PAK1IP1: variants seen among roughly 807,000 people sequenced by gnomAD.
PAK1IP1 encodes the protein p21-activated protein kinase-interacting protein 1.
In PAK1IP1, 24 loss-of-function variants were observed where a neutral mutation model predicts 42.0. That is an observed-to-expected ratio of 0.57 (90% CI 0.41 to 0.80). The LOEUF (loss-of-function observed/expected upper bound fraction) is 0.80. PAK1IP1 is among the 30% of genes least tolerant of loss of function. PAK1IP1 has a pLI of 0.00. For synonymous variants in PAK1IP1, 154 were observed against 156.7 expected (o/e 0.98, Z 0.13); for missense variants, 411 against 467.9 (o/e 0.88, Z 1.12).
At chr6:10,705,707 C>T (rs1324145552) in intron 7 of PAK1IP1, among the ~76,000 whole-genome samples, 1 of 152,184 alleles carries the variant, frequency 6.6e-6, no homozygotes, top group Non-Finnish European at 1.5e-5. Flanking sequence ...TTTTATCTGA[C>T]TCTTATATCC....
upstream of PAK1IP1, chr6:10,694,503 G>C (rs900874912): frequency 1.3e-5 from 2 of 156,790 alleles, no homozygotes; most frequent in Admixed American, 6.3e-5. Context: ...CCCTATTAAC[G>C]ACAGAAAGCC....
chr6:10,703,917 T>A lies in PAK1IP1; in HGVS notation c.496+460T>A, dbSNP rs111819463. Among the ~76,000 whole-genome samples, 880 of 152,348 alleles carry A rather than the reference T, an allele frequency of 5.8e-3. 8 individuals are homozygous for A. The highest frequency in any genetic ancestry group is 0.02 in the African/African-American group (836 of 41,592). Reference sequence around the variant, plus strand: ...ATGGTGGTGGTTACCTCTGAGCAAATGCCTTGGGTTACTTTCTTTTCCCAT... The same window carrying A: ...ATGGTGGTGGTTACCTCTGAGCAAAAGCCTTGGGTTACTTTCTTTTCCCAT... On this transcript the variant is annotated intron_variant, in intron 5 of 9. Transcript: ENST00000379568.
chr6:10,702,343 T>C, intron 2 of PAK1IP1, 26 bp from the exon 3 acceptor site: 1 of 1,592,766 alleles, frequency 6.3e-7, no homozygotes, highest in Non-Finnish European at 8.6e-7. Context: ...TGAATATTAT[T>C]TTTGCCTATT....
chr6:10,691,082 T>C (rs1467599004), upstream of PAK1IP1, among the ~76,000 whole-genome samples: 1 of 152,232 alleles, frequency 6.6e-6, no homozygotes, highest in Non-Finnish European at 1.5e-5. Context: ...GTTATTTAGC[T>C]GTGTGTTCTT....
chr6:10,692,781 C>T (rs528808925), upstream of PAK1IP1, among the ~76,000 whole-genome samples: 54 of 152,060 alleles, frequency 3.6e-4, no homozygotes, highest in Non-Finnish European at 6.2e-4. Flanking sequence ...GCCTAGGCCT[C>T]GCAAAGTGCT....
rs373373440 is a variant in PAK1IP1, at chr6:10,703,380, C to T, written c.444-25C>T. ...AGTAAAAGTTAGTTGGTGATCACACCGTAAGTGAGCTTCCTGTTTTGCAGA... is the reference window on the plus strand; with the variant it reads ...AGTAAAAGTTAGTTGGTGATCACACTGTAAGTGAGCTTCCTGTTTTGCAGA... On this transcript the variant is annotated intron_variant, in intron 4 of 9. Transcript: ENST00000379568. 115 of 1,589,424 alleles carry T rather than the reference C, an allele frequency of 7.2e-5. No homozygotes were observed. The South Asian group carries it at 9.3e-4, about 13-fold the overall frequency.
upstream of PAK1IP1, among the ~76,000 whole-genome samples, chr6:10,691,223 C>T (rs143877335): frequency 4.0e-3 from 602 of 152,304 alleles, 6 homozygotes; most frequent in African/African-American, 0.013. Flanking sequence ...GGACAAGCCG[C>T]AGACAAAACC....
Position 10,704,799 on chromosome 6 carries a change from G to A in PAK1IP1, c.695G>A (p.Cys232Tyr), listed in dbSNP as rs781299034. 5 of 1,613,620 alleles carry A rather than the reference G, an allele frequency of 3.1e-6. No homozygotes were observed. Among genetic ancestry groups the A allele is most frequent in the Non-Finnish European group, 4.2e-6 (5 of 1,179,670 alleles). Residue 232 changes from cysteine (C) to tyrosine (Y), a missense_variant, in exon 7 of 10, where the codon TGT becomes TAT. Coordinates refer to ENST00000379568, the MANE Select transcript of PAK1IP1 (RefSeq NM_017906.3). The part of the protein sequence containing the change: ...GDEEVIRFFD[C>Y]DSLVCLCEFK... ...GAAGAAGTTATAAGGTTTTTTGACTGTGATTCACTAGTGTGCCTCTGCGAA... is the reference window on the plus strand; with the variant it reads ...GAAGAAGTTATAAGGTTTTTTGACTATGATTCACTAGTGTGCCTCTGCGAA...
rs543846802 is a variant in PAK1IP1 at position 10,704,961 on chromosome 6, C to A, written c.740+117C>A. On this transcript the variant is annotated intron_variant, in intron 7 of 9. Transcript: ENST00000379568. ...CAACTGCAGAAATAATCAGACATATCTACATGTACAGTATATGGTATCTGT... is the reference window on the plus strand; with the variant it reads ...CAACTGCAGAAATAATCAGACATATATACATGTACAGTATATGGTATCTGT... 5.8e-5 allele frequency: 41 copies of A among 707,894 alleles called. No homozygotes were observed. In the South Asian group the frequency reaches 6.0e-4, roughly 10 times the overall value. The allele number at this position is 707,894 out of a possible 1,614,324, so 43.9% of individuals were successfully genotyped here. A position where few individuals can be genotyped will look rare whatever the true frequency, so the allele number is the denominator to read the frequency against.
chr6:10,698,148 G>A (rs1253210956), intron 2 of PAK1IP1, among the ~76,000 whole-genome samples: 2 of 151,858 alleles, frequency 1.3e-5, no homozygotes, highest in African/African-American at 4.8e-5. Flanking sequence ...CTTTATTGAG[G>A]GCATATTATG....
intron 2 of PAK1IP1, 121 bp from the exon 3 acceptor site, chr6:10,702,248 A>C (rs1263554062): frequency 1.2e-6 from 1 of 818,362 alleles, no homozygotes; most frequent in Non-Finnish European, 1.9e-6. Context: ...CTCAAAAAAA[A>C]AAAAAAGAAA....
rs1460306459 is a variant in PAK1IP1, at chr6:10,709,659, A to G, written c.*207A>G. The G allele has an allele frequency of 2.8e-6, 1 of 355,618 alleles. No homozygotes were observed. Among genetic ancestry groups the G allele is most frequent in the Non-Finnish European group, 4.9e-6 (1 of 204,746 alleles). 22.0% of individuals were successfully genotyped at this position (355,618 alleles called of 1,614,324 possible). On this transcript the variant is annotated 3_prime_UTR_variant, in exon 10 of 10. Transcript: ENST00000379568. ...TTTGGCAGACAGTGTTTTATGAATTATGTATCATGTTGATATATAATATGT... is the reference window on the plus strand; with the variant it reads ...TTTGGCAGACAGTGTTTTATGAATTGTGTATCATGTTGATATATAATATGT...
chr6:10,703,742 A>G (rs1366692396), intron 5 of PAK1IP1, among the ~76,000 whole-genome samples: 2 of 152,258 alleles, frequency 1.3e-5, no homozygotes, highest in East Asian at 3.8e-4. Flanking sequence ...TTCATTGTAT[A>G]TATGCAGATA....
rs1298269869 is a variant in PAK1IP1 at position 10,709,141 on chromosome 6, G to A, written c.964+65G>A. 1.1e-5 allele frequency: 16 copies of A among 1,522,152 alleles called. No homozygotes were observed. The East Asian group carries it at 3.6e-4, about 35-fold the overall frequency. 94.3% of individuals were successfully genotyped at this position (1,522,152 alleles called of 1,614,324 possible). Reference sequence around the variant, plus strand: ...TTATCTCTTAAATTGTAGAAGTGGAGGAGATCCAGATAATTTCACTTTATT... The same window carrying A: ...TTATCTCTTAAATTGTAGAAGTGGAAGAGATCCAGATAATTTCACTTTATT... On this transcript the variant is annotated intron_variant, in intron 9 of 9. Transcript: ENST00000379568.
rs1465927542 is a variant in PAK1IP1, at chr6:10,702,323, G to A, written c.248-46G>A. ...AGCCTTCAAATCAGAAATGGAGTTTGCATTTAAAATGAATATTATTTTTGC... is the reference window on the plus strand; with the variant it reads ...AGCCTTCAAATCAGAAATGGAGTTTACATTTAAAATGAATATTATTTTTGC... On this transcript the variant is annotated intron_variant, in intron 2 of 9. Transcript: ENST00000379568. 3 of 1,511,224 alleles carry A rather than the reference G, an allele frequency of 2.0e-6. No homozygotes were observed. In the South Asian group the frequency reaches 3.4e-5, roughly 17 times the overall value. 93.6% of individuals were successfully genotyped at this position (1,511,224 alleles called of 1,614,324 possible).
At position 10,709,536 on chromosome 6, in the gene PAK1IP1, A is replaced by G. The variant is rs574531282; in HGVS notation, c.*84A>G. On this transcript the variant is annotated 3_prime_UTR_variant, in exon 10 of 10. Coordinates refer to ENST00000379568, the MANE Select transcript of PAK1IP1 (RefSeq NM_017906.3). ...TTAATTTTTTTTTTTTCCCTGAGTA[A>G]AAGCAAGAAATTTCTTCCTTTGGAA... 1.6e-5 allele frequency: 13 copies of G among 831,108 alleles called. No homozygotes were observed. The Admixed American group carries it at 5.0e-4, about 32-fold the overall frequency. The allele number at this position is 831,108 out of a possible 1,614,324, so 51.5% of individuals were successfully genotyped here.
chr6:10,697,815 C>T (rs944346263), intron 2 of PAK1IP1, among the ~76,000 whole-genome samples: 14 of 150,834 alleles, frequency 9.3e-5, no homozygotes, highest in Admixed American at 1.3e-4. Context: ...CGTTTGAACC[C>T]GTGAGGCAGA....
intron 8 of PAK1IP1, among the ~76,000 whole-genome samples, chr6:10,707,773 A>G (rs1385594555): frequency 6.6e-6 from 1 of 152,332 alleles, no homozygotes; most frequent in East Asian, 1.9e-4. Context: ...TCTCTTGAAT[A>G]TTGGAGTTCT....
At chr6:10,703,844 T>C (rs1770117142) in intron 5 of PAK1IP1, among the ~76,000 whole-genome samples, 1 of 152,192 alleles carries the variant, frequency 6.6e-6, no homozygotes, top group South Asian at 2.1e-4. Flanking sequence ...AATATGAATA[T>C]AGATATACAT....
Sources: allele counts gnomAD v4.1 joint callset (sites outside exome capture counted in the v4.1 genomes callset), GRCh38; gene constraint gnomAD v4.1.1; transcripts MANE v1.5; gene names NCBI Gene and HGNC (gene_info 2026-07-23, HGNC 2026-07-21).